STAG1: variants seen among roughly 807,000 people sequenced by gnomAD.
STAG1 encodes STAG1 cohesin complex component.
A neutral mutation model predicts 170.9 loss-of-function variants in STAG1; 26 were observed. That is an observed-to-expected ratio of 0.15 (90% CI 0.11 to 0.21). The LOEUF (loss-of-function observed/expected upper bound fraction) is 0.21, where lower values mean the gene tolerates loss of function less well. Ranked by LOEUF, STAG1 falls within the 10% of genes least tolerant of loss-of-function variation. STAG1 has a pLI of 1.00. For synonymous variants in STAG1, 514 were observed against 497.7 expected, an observed-to-expected ratio of 1.03 and a Z score of -0.44; for missense variants, 964 against 1,509.5, an observed-to-expected ratio of 0.64 and a Z score of 5.99.
chr3:136,408,462 T>C (rs1466879841), intron 21 of STAG1, among the ~76,000 whole-genome samples: 1 of 150,154 alleles, frequency 6.7e-6, no homozygotes, highest in Non-Finnish European at 1.5e-5. Context: ...AAGAAAGTAT[T>C]AGGTTGGTAA....
At chr3:136,578,975 A>G (rs560106481) in intron 4 of STAG1, among the ~76,000 whole-genome samples, 1 of 152,358 alleles carries the variant, frequency 6.6e-6, no homozygotes, top group East Asian at 1.9e-4. Flanking sequence ...ATAATAAACT[A>G]GAAGTAAACA....
chr3:136,733,376 G>C (rs551092195), intron 1 of STAG1, among the ~76,000 whole-genome samples: 13 of 152,102 alleles, frequency 8.5e-5, no homozygotes, highest in African/African-American at 3.1e-4. Context: ...ATGAGCTACC[G>C]TGCCTGGCCA....
At chr3:136,704,821 C>CAAAAAAAAAAAAAAAAAAAAAAAAAAAA (rs67207510) in intron 1 of STAG1, among the ~76,000 whole-genome samples, 1 of 51,446 alleles carries the variant, frequency 1.9e-5, no homozygotes, top group African/African-American at 7.4e-5. Context: ...GTCCCTGTCT[C>CAAAAAAAAAAAAAAAAAAAAAAAAAAAA]AAAAAAAAAA....
chr3:136,655,518 C>T (rs953390741), intron 1 of STAG1, among the ~76,000 whole-genome samples: 1 of 152,194 alleles, frequency 6.6e-6, no homozygotes, highest in African/African-American at 2.4e-5. Context: ...AATCCCAGCA[C>T]TTTGGAGGCC....
chr3:136,348,893 G>A (rs573719147), intron 29 of STAG1: 2 of 466,336 alleles, frequency 4.3e-6, no homozygotes, highest in African/African-American at 3.9e-5. Flanking sequence ...CATATAGTAT[G>A]GGGATTGATT....
intron 1 of STAG1, among the ~76,000 whole-genome samples, chr3:136,711,463 A>G (rs1943379070): frequency 6.6e-6 from 1 of 151,966 alleles, no homozygotes; most frequent in Admixed American, 6.6e-5. Flanking sequence ...CGGGAGGCTG[A>G]GACAGGAGGA....
chr3:136,419,972 GCA>G (rs916108478), intron 20 of STAG1, among the ~76,000 whole-genome samples: 2 of 151,898 alleles, frequency 1.3e-5, no homozygotes, highest in African/African-American at 2.4e-5. Flanking sequence ...GATAGGCCAG[GCA>G]CAGTGACTCA....
chr3:136,567,700 G>T (rs1428114440), intron 5 of STAG1, among the ~76,000 whole-genome samples: 2 of 152,080 alleles, frequency 1.3e-5, no homozygotes, highest in African/African-American at 4.8e-5. Flanking sequence ...GTATGATCTG[G>T]AATAAATTTA....
chr3:136,362,211 G>A (rs1398662015), intron 26 of STAG1, among the ~76,000 whole-genome samples: 6 of 151,602 alleles, frequency 4.0e-5, no homozygotes, highest in South Asian at 2.1e-4. Flanking sequence ...TACCCGCCTC[G>A]GCCTCCCAAA....
At chr3:136,356,809 G>A (rs1344728802) in intron 28 of STAG1, among the ~76,000 whole-genome samples, 1 of 152,146 alleles carries the variant, frequency 6.6e-6, no homozygotes, top group Admixed American at 6.5e-5. Flanking sequence ...CTGGAGTGGA[G>A]TGGCATGATC....
intron 23 of STAG1, among the ~76,000 whole-genome samples, chr3:136,370,148 T>C (rs1458346731): frequency 1.3e-5 from 2 of 152,040 alleles, no homozygotes; most frequent in African/African-American, 2.4e-5. Flanking sequence ...CTCCTACTTA[T>C]GAAAAAAATT....
intron 7 of STAG1, among the ~76,000 whole-genome samples, chr3:136,509,962 G>C (rs1007148437): frequency 6.6e-6 from 1 of 152,268 alleles, no homozygotes; most frequent in Middle Eastern, 3.4e-3. Context: ...TTTTTACAAT[G>C]CTTATTTTTT....
intron 21 of STAG1, among the ~76,000 whole-genome samples, chr3:136,411,304 T>C (rs2087617175): frequency 6.6e-6 from 1 of 152,058 alleles, no homozygotes; most frequent in Non-Finnish European, 1.5e-5. Context: ...ATTTCATCTT[T>C]CAAATGGTTT....
In STAG1 at chr3:136,521,193, A is replaced by C; in HGVS notation, c.676+20T>G. 1 of 1,595,924 alleles carries C rather than the reference A, an allele frequency of 6.3e-7. No homozygotes were observed. Among genetic ancestry groups the C allele is most frequent in the Non-Finnish European group, 8.6e-7 (1 of 1,164,612 alleles). ...GTCAACAAAACTAAATGAAAAGGAA[A>C]TAAAATGTTAATTACTTACCAGCCA... On this transcript the variant is annotated intron_variant, in intron 7 of 33. Transcript: ENST00000383202.
intron 22 of STAG1, among the ~76,000 whole-genome samples, chr3:136,388,277 G>A (rs956786062): frequency 6.6e-6 from 1 of 152,098 alleles, no homozygotes; most frequent in Non-Finnish European, 1.5e-5. Flanking sequence ...GGTAAGAAGT[G>A]GAGTAAAAAT....
chr3:136,536,687 A>G (rs889850575), intron 6 of STAG1, among the ~76,000 whole-genome samples: 1 of 137,772 alleles, frequency 7.3e-6, no homozygotes, highest in Non-Finnish European at 1.5e-5. Context: ...GGGGTGACAG[A>G]GCAAGACTCA....
chr3:136,557,593 G>A lies in STAG1; in HGVS notation c.394+11172C>T, dbSNP rs180892184. Among the ~76,000 whole-genome samples the A allele has an allele frequency of 6.1e-4, 92 of 151,910 alleles. 1 individual carries two copies. The Middle Eastern group carries it at 0.017, about 28-fold the overall frequency. ...AGTCACACTCTGTTGCCCAGGCTGG[G>A]GTGCAGTGGTGTGAGCTCGGCTCAC... On this transcript the variant is annotated intron_variant, in intron 5 of 33. Coordinates refer to ENST00000383202, the MANE Select transcript of STAG1 (RefSeq NM_005862.3).
intron 21 of STAG1, among the ~76,000 whole-genome samples, chr3:136,415,766 G>A (rs2087754267): frequency 6.6e-6 from 1 of 152,158 alleles, no homozygotes; most frequent in African/African-American, 2.4e-5. Flanking sequence ...AGGTCACAGT[G>A]AGCTGAGACC....
At chr3:136,527,893 A>T (rs1365037593) in intron 6 of STAG1, among the ~76,000 whole-genome samples, 2 of 152,192 alleles carry the variant, frequency 1.3e-5, no homozygotes, top group Non-Finnish European at 2.9e-5. Context: ...GATGCTGCAG[A>T]ACAGTGAATA....
Sources: allele counts gnomAD v4.1 joint callset (sites outside exome capture counted in the v4.1 genomes callset), GRCh38; gene constraint gnomAD v4.1.1; transcripts MANE v1.5; gene names NCBI Gene and HGNC (gene_info 2026-07-23, HGNC 2026-07-21).